ZNF736: variants seen among roughly 807,000 people sequenced by gnomAD.
ZNF736 encodes zinc finger protein 736.
A neutral mutation model predicts 11.7 loss-of-function variants in ZNF736; 6 were observed. The ratio of observed to expected loss-of-function variants is 0.51; its 90% CI spans 0.28 to 1.01. The LOEUF is 1.01. Ranked by LOEUF, ZNF736 falls within the 50% of genes least tolerant of loss-of-function variation. The pLI, the probability that ZNF736 is intolerant of heterozygous loss-of-function variation, is 0.09. For missense variants in ZNF736, 444 were observed against 496.0 expected, an observed-to-expected ratio of 0.90 and a Z score of 1.00; for synonymous variants, 139 against 164.7, an observed-to-expected ratio of 0.84 and a Z score of 1.19.
intron 1 of ZNF736, among the ~76,000 whole-genome samples, chr7:64,321,667 C>T (rs940885025): frequency 2.6e-5 from 4 of 152,174 alleles, no homozygotes; most frequent in African/African-American, 7.2e-5. Flanking sequence ...GGAGGACTCA[C>T]CCCTTACACT....
intron 3 of ZNF736, among the ~76,000 whole-genome samples, chr7:64,346,510 C>T (rs1173279167): frequency 2.7e-5 from 4 of 150,310 alleles, no homozygotes; most frequent in African/African-American, 7.4e-5. Flanking sequence ...CTATGTCATC[C>T]TGTTCCCTTC....
rs1324893719 is a variant in ZNF736 at position 64,354,589 on chromosome 7, CCATAGA to C, written c.*5447_*5452del. 1 of 152,106 alleles carries C rather than the reference CCATAGA, an allele frequency of 6.6e-6. No homozygotes were observed. Among genetic ancestry groups the C allele is most frequent in the Non-Finnish European group, 1.5e-5 (1 of 68,004 alleles). The allele number at this position is 152,106 out of a possible 1,614,324, so 9.4% of individuals were successfully genotyped here. ...TGTTTGTCTGTTTGCCTGTTGCTCACCATAGACATAATTTTCTTTTCATAAAACATT... is the reference window on the plus strand; with the variant it reads ...TGTTTGTCTGTTTGCCTGTTGCTCACCATAATTTTCTTTTCATAAAACATT... On this transcript the variant is annotated 3_prime_UTR_variant, in exon 4 of 4. Coordinates refer to ENST00000423484, the MANE Select transcript of ZNF736 (RefSeq NM_001170905.3).
At chr7:64,330,447 G>A (rs779448793) in intron 1 of ZNF736, among the ~76,000 whole-genome samples, 12 of 151,924 alleles carry the variant, frequency 7.9e-5, no homozygotes, top group African/African-American at 2.2e-4. Context: ...CTGAGCCACC[G>A]TGCCCGGCTG....
intron 1 of ZNF736, among the ~76,000 whole-genome samples, chr7:64,316,803 T>C (rs1251297754): frequency 6.6e-6 from 1 of 152,202 alleles, no homozygotes. Flanking sequence ...TTATATTCCA[T>C]TGGTTGAAAA....
At chr7:64,328,738 G>T (rs367584378) in intron 1 of ZNF736, among the ~76,000 whole-genome samples, 2 of 152,204 alleles carry the variant, frequency 1.3e-5, no homozygotes, top group South Asian at 2.1e-4. Flanking sequence ...CTCCAGCCTG[G>T]GCGACAGAGC....
chr7:64,318,825 A>G (rs1788954122), intron 1 of ZNF736, among the ~76,000 whole-genome samples: 1 of 152,166 alleles, frequency 6.6e-6, no homozygotes, highest in Non-Finnish European at 1.5e-5. Context: ...AAAGCCCTAG[A>G]GAGGGAGTTC....
At chr7:64,344,506 G>GT in intron 3 of ZNF736, among the ~76,000 whole-genome samples, 1 of 152,078 alleles carries the variant, frequency 6.6e-6, no homozygotes, top group Non-Finnish European at 1.5e-5. Flanking sequence ...TTTTAAGGAT[G>GT]TAACTATTTT....
intron 1 of ZNF736, among the ~76,000 whole-genome samples, chr7:64,327,699 T>C (rs1260081171): frequency 2.0e-5 from 3 of 152,216 alleles, no homozygotes; most frequent in Non-Finnish European, 2.9e-5. Context: ...TATGTATGTG[T>C]GTCTATTACA....
chr7:64,340,105 A>C (rs1789316733), intron 3 of ZNF736, among the ~76,000 whole-genome samples: 1 of 152,172 alleles, frequency 6.6e-6, no homozygotes, highest in African/African-American at 2.4e-5. Flanking sequence ...GGCCAGCACT[A>C]GGGCAGTGTT....
chr7:64,330,719 T>G (rs1473548799), intron 1 of ZNF736, among the ~76,000 whole-genome samples: 1 of 152,206 alleles, frequency 6.6e-6, no homozygotes, highest in Non-Finnish European at 1.5e-5. Flanking sequence ...TACTGGTTAC[T>G]GCTGATGTTT....
rs1789517378 is a variant in ZNF736, at chr7:64,353,538, G to C, written c.*4391G>C. 1 of 152,316 alleles carries C rather than the reference G, an allele frequency of 6.6e-6. No homozygotes were observed. Among genetic ancestry groups the C allele is most frequent in the East Asian group, 1.9e-4 (1 of 5,180 alleles). The allele number at this position is 152,316 out of a possible 1,614,324, so 9.4% of individuals were successfully genotyped here. On this transcript the variant is annotated 3_prime_UTR_variant, in exon 4 of 4. Transcript: ENST00000423484. ...ATTTAACTCTTACATTTGATGCTGT[G>C]TCTTCATTTCTAGAATTTATGTGAA...
At chr7:64,329,024 A>T (rs528723615) in intron 1 of ZNF736, among the ~76,000 whole-genome samples, 1 of 150,192 alleles carries the variant, frequency 6.7e-6, no homozygotes, top group Non-Finnish European at 1.5e-5. Context: ...ACTAATTCTT[A>T]TGCTTGATCA....
intron 3 of ZNF736, among the ~76,000 whole-genome samples, chr7:64,346,719 TA>T (rs1164349521): frequency 6.6e-6 from 1 of 152,074 alleles, no homozygotes; most frequent in Non-Finnish European, 1.5e-5. Context: ...GATTTTCTTA[TA>T]TTTTTTACTA....
At chr7:64,337,850 G>A (rs1213378533) in intron 3 of ZNF736, among the ~76,000 whole-genome samples, 1 of 149,552 alleles carries the variant, frequency 6.7e-6, no homozygotes, top group African/African-American at 2.5e-5. Flanking sequence ...CGCCTCCCAG[G>A]TTCAAGCGAT....
chr7:64,323,162 G>A (rs557119333), intron 1 of ZNF736, among the ~76,000 whole-genome samples: 5 of 152,164 alleles, frequency 3.3e-5, no homozygotes, highest in South Asian at 2.1e-4. Context: ...CATTTTCCTC[G>A]AAACATGTAA....
At chr7:64,316,516 G>T (rs1024518798) in intron 1 of ZNF736, among the ~76,000 whole-genome samples, 1 of 152,232 alleles carries the variant, frequency 6.6e-6, no homozygotes, top group Non-Finnish European at 1.5e-5. Flanking sequence ...CTGCCACACA[G>T]GGGGCAAGTG....
At chr7:64,328,220 A>C (rs1789108374) in intron 1 of ZNF736, among the ~76,000 whole-genome samples, 1 of 150,236 alleles carries the variant, frequency 6.7e-6, no homozygotes, top group Non-Finnish European at 1.5e-5. Flanking sequence ...GGGGGTGTTA[A>C]TAAAATCTCT....
At position 64,340,881 on chromosome 7, in the gene ZNF736, G is replaced by A. The variant is rs149717422; in HGVS notation, c.226+3899G>A. On this transcript the variant is annotated intron_variant, in intron 3 of 3. Transcript: ENST00000423484. Reference sequence around the variant, plus strand: ...TTTTTTTTCATCACTTCGAAATTTAGGAAGTTCTTAGTGAGTCCCTTTTTT... The same window carrying A: ...TTTTTTTTCATCACTTCGAAATTTAAGAAGTTCTTAGTGAGTCCCTTTTTT... Among the ~76,000 whole-genome samples, 390 of 152,092 alleles carry A rather than the reference G, an allele frequency of 2.6e-3. 1 individual carries two copies. Among genetic ancestry groups the A allele is most frequent in the African/African-American group, 7.9e-3 (328 of 41,476 alleles).
At position 64,331,734 on chromosome 7, in the gene ZNF736, T is replaced by G. The variant is rs147374556; in HGVS notation, c.4-4525T>G. Among the ~76,000 whole-genome samples, 6 of 151,554 alleles carry G rather than the reference T, an allele frequency of 4.0e-5. No individual in the cohort carries two copies. The East Asian group carries it at 9.7e-4, about 25-fold the overall frequency. ...CGCTTTCAGATACATTCACGAGAGG[T>G]GAGTTTAGCTTTAGTTCCAAATGAA... On this transcript the variant is annotated intron_variant, in intron 1 of 3. Transcript: ENST00000423484.
Sources: gnomAD v4.1 joint callset for allele counts (sites outside exome capture counted in the v4.1 genomes callset) on GRCh38, gnomAD v4.1.1 for gene constraint, MANE v1.5 for transcripts, NCBI Gene and HGNC (gene_info 2026-07-23, HGNC 2026-07-21) for gene names.